Variants in OPRL1 observed in about 807,000 individuals in gnomAD.
The protein encoded by OPRL1 is opioid related nociceptin receptor 1.
A neutral mutation model predicts 15.5 loss-of-function variants in OPRL1; 5 were observed. The observed-to-expected ratio is 0.32, with a 90% CI of 0.17 to 0.68. OPRL1 has a LOEUF of 0.68. OPRL1 is among the 30% of genes least tolerant of loss of function. The pLI, the probability that OPRL1 is intolerant of heterozygous loss-of-function variation, is 0.72. For synonymous variants in OPRL1, 223 were observed against 230.2 expected, an observed-to-expected ratio of 0.97 and a Z score of 0.28; for missense variants, 406 against 515.3, an observed-to-expected ratio of 0.79 and a Z score of 2.05.
chr20:64,096,751 A>G (rs1452095235), intron 3 of OPRL1, among the ~76,000 whole-genome samples: 1 of 151,580 alleles, frequency 6.6e-6, no homozygotes. Context: ...CATCACCACT[A>G]TCACCACCAC....
chr20:64,098,102 C>A lies in OPRL1; in HGVS notation c.534C>A (p.Ala178=). The part of the protein sequence containing the change: ...QAVNVAIWAL[A]SVVGVPVAIM... Reference sequence around the variant, plus strand: ...TCAATGTGGCCATCTGGGCCCTGGCCTCTGTTGTCGGTGTTCCCGTTGCCA... The same window carrying A: ...TCAATGTGGCCATCTGGGCCCTGGCATCTGTTGTCGGTGTTCCCGTTGCCA... The change falls in exon 4 of 5, where the codon GCC becomes GCA. Residue 178 remains alanine, a synonymous_variant. Transcript: ENST00000336866. 6.2e-7 allele frequency: 1 copy of A among 1,613,306 alleles called. No individual in the cohort carries two copies. Among genetic ancestry groups the A allele is most frequent in the South Asian group, 1.1e-5 (1 of 91,084 alleles).
In OPRL1 at chr20:64,098,633, C is replaced by T. The variant is rs1979489435; in HGVS notation, c.947C>T (p.Pro316Leu). The T allele has an allele frequency of 6.2e-7, 1 of 1,612,956 alleles. No individual in the cohort carries two copies. Among genetic ancestry groups the T allele is most frequent in the African/African-American group, 1.3e-5 (1 of 75,042 alleles). Reference protein sequence around the residue: ...ALGYVNSCLNPILYAFLDENF... With the variant: ...ALGYVNSCLNLILYAFLDENF... ...GGCTACGTCAACAGCTGCCTCAACC[C>T]CATCCTCTACGCCTTCCTGGATGAG... is the stretch of plus-strand genomic sequence containing the variant. The change falls in exon 5 of 5, where the codon CCC (proline) becomes CTC (leucine). Residue 316 changes from proline to leucine, a missense_variant. Physicochemically the swap from Pro to Leu is moderately conservative, Grantham distance 98. Coordinates refer to ENST00000336866, the MANE Select transcript of OPRL1 (RefSeq NM_182647.4).
chr20:64,096,722 CCAT>C (rs1238311677), intron 3 of OPRL1, among the ~76,000 whole-genome samples: 3 of 151,814 alleles, frequency 2.0e-5, no homozygotes, highest in East Asian at 1.9e-4. Flanking sequence ...ACCATCACCA[CCAT>C]CATCACCACT....
At chr20:64,084,395 C>G (rs2060019105) in intron 1 of OPRL1, 1 of 1,273,294 alleles carries the variant, frequency 7.9e-7, no homozygotes, top group African/African-American at 1.6e-5. Context: ...CGCTCTCCCT[C>G]TCCCAAGCGC....
chr20:64,096,416 G>T (rs55997918), intron 3 of OPRL1, among the ~76,000 whole-genome samples: 27 of 152,210 alleles, frequency 1.8e-4, no homozygotes, highest in African/African-American at 5.8e-4. Context: ...AAACAACATA[G>T]ATCCTCTTGG....
rs1180989933 is a variant in OPRL1 at position 64,098,053 on chromosome 20, G to A, written c.485G>A (p.Arg162His). ...ICHPIRALDVRTSSKAQAVNV... is the reference protein window; with the variant it reads ...ICHPIRALDVHTSSKAQAVNV... ...CACCCCATCCGTGCCCTCGACGTCC[G>A]CACGTCCAGCAAAGCCCAGGCTGTC... Residue 162 changes from arginine to histidine, a missense_variant, in exon 4 of 5, where the codon CGC becomes CAC. Transcript: ENST00000336866. The A allele has an allele frequency of 3.8e-5, 62 of 1,613,224 alleles. No homozygotes were observed. The highest frequency in any genetic ancestry group is 1.6e-4 in the Middle Eastern group (1 of 6,084).
chr20:64,092,054 A>G lies in OPRL1; in HGVS notation c.-96A>G. 6.5e-6 allele frequency: 1 copy of G among 153,132 alleles called. No individual in the cohort carries two copies. The highest frequency in any genetic ancestry group is 1.5e-5 in the Non-Finnish European group (1 of 68,774). 9.5% of individuals were successfully genotyped at this position (153,132 alleles called of 1,614,324 possible). ...CTACCCTGCTCTGCACCTGTGCTCGACTGCCAGCCGGCTGAGGGCGGGGGT... is the reference window on the plus strand; with the variant it reads ...CTACCCTGCTCTGCACCTGTGCTCGGCTGCCAGCCGGCTGAGGGCGGGGGT... On this transcript the variant is annotated 5_prime_UTR_variant, in exon 2 of 5. Transcript: ENST00000336866.
chr20:64,087,778 CAT>C (rs1290324446), intron 1 of OPRL1, among the ~76,000 whole-genome samples: 1 of 152,250 alleles, frequency 6.6e-6, no homozygotes, highest in African/African-American at 2.4e-5. Context: ...TCTTGTGTAA[CAT>C]ATATGTTCTA....
rs1979507662 is a variant in OPRL1 at position 64,098,737 on chromosome 20, A to G, written c.1051A>G (p.Ser351Gly). ...CGTGCAGGTGTCTGACCGCGTGCGC[A>G]GCATTGCCAAGGACGTGGCCCTGGC... is the stretch of plus-strand genomic sequence containing the variant. ...RDVQVSDRVR[S>G]IAKDVALACK... Residue 351 changes from serine (S) to glycine (G), a missense_variant, in exon 5 of 5, where the codon AGC becomes GGC. Physicochemically the swap from Ser to Gly is moderately conservative, Grantham distance 56. Transcript: ENST00000336866. 2 of 1,610,730 alleles carry G rather than the reference A, an allele frequency of 1.2e-6. No homozygotes were observed. Among genetic ancestry groups the G allele is most frequent in the South Asian group, 2.2e-5 (2 of 91,084 alleles).
intron 1 of OPRL1, chr20:64,084,426 A>T: frequency 8.0e-7 from 1 of 1,251,568 alleles, no homozygotes; most frequent in South Asian, 2.8e-5. Context: ...CAGCTCTGCC[A>T]TCGGCTGATC....
rs1243672643 is a variant in OPRL1 at position 64,083,719 on chromosome 20, G to A, written c.-185+3367G>A. 7.3e-7 allele frequency: 1 copy of A among 1,362,770 alleles called. No individual in the cohort carries two copies. The highest frequency in any genetic ancestry group is 3.9e-5 in the Admixed American group (1 of 25,530). 84.4% of individuals were successfully genotyped at this position (1,362,770 alleles called of 1,614,324 possible). A position where few individuals can be genotyped will look rare whatever the true frequency, so the allele number is the denominator to read the frequency against. ...GATCTCCTCGGCCTGCGGGGCCCGG[G>A]TAGCTGAGCGCGCGCCGAGCCCCGC... On this transcript the variant is annotated intron_variant, in intron 1 of 4. Coordinates refer to ENST00000336866, the MANE Select transcript of OPRL1 (RefSeq NM_182647.4). This position sits in a 1 kb window ranked among gnomAD's most constrained non-coding sequence, Gnocchi z 4.9.
At chr20:64,088,234 G>C (rs926168035) in intron 1 of OPRL1, among the ~76,000 whole-genome samples, 1 of 152,258 alleles carries the variant, frequency 6.6e-6, no homozygotes, top group Non-Finnish European at 1.5e-5. Flanking sequence ...GCTGGCTGGG[G>C]TGGGGCAGGA....
rs868255552 is a variant in OPRL1, at chr20:64,098,955, C to T, written c.*156C>T. 70 of 1,062,232 alleles carry T rather than the reference C, an allele frequency of 6.6e-5. 1 individual carries two copies. The South Asian group carries it at 1.1e-3, about 16-fold the overall frequency. 65.8% of individuals were successfully genotyped at this position (1,062,232 alleles called of 1,614,324 possible). On this transcript the variant is annotated 3_prime_UTR_variant, in exon 5 of 5. Coordinates refer to ENST00000336866, the MANE Select transcript of OPRL1 (RefSeq NM_182647.4). ...CTTTTCCCTGTGGGCCAGGGATGCT[C>T]GGTCCCAGAGGAGGACCTAGTGACA...
At position 64,083,389 on chromosome 20, in the gene OPRL1, A is replaced by T; in HGVS notation, c.-185+3037A>T. On this transcript the variant is annotated intron_variant, in intron 1 of 4. Coordinates refer to ENST00000336866, the MANE Select transcript of OPRL1 (RefSeq NM_182647.4). The surrounding 1 kb of genome is among the most constrained non-coding windows in gnomAD (Gnocchi z 4.9). The stretch of plus-strand genomic sequence containing the variant: ...GACCAGCGAGCCTTCGGAGAATTAT[A>T]ACTTTATGTGGGAGGCTGGGGCGCG... The T allele has an allele frequency of 1.2e-6, 2 of 1,610,706 alleles. No homozygotes were observed. The highest frequency in any genetic ancestry group is 1.7e-6 in the Non-Finnish European group (2 of 1,179,090).
Position 64,083,600 on chromosome 20 carries a change from G to A in OPRL1, c.-185+3248G>A. The A allele has an allele frequency of 6.7e-7, 1 of 1,489,104 alleles. No individual in the cohort carries two copies. Among genetic ancestry groups the A allele is most frequent in the Middle Eastern group, 1.8e-4 (1 of 5,646 alleles). The allele number at this position is 1,489,104 out of a possible 1,614,324, so 92.2% of individuals were successfully genotyped here. ...GTCTGCACCTCTTGGCGGTCCAGGG[G>A]GTCCGGGATCCGCGCGGGCTTCAGC... is the stretch of plus-strand genomic sequence containing the variant. On this transcript the variant is annotated intron_variant, in intron 1 of 4. Coordinates refer to ENST00000336866, the MANE Select transcript of OPRL1 (RefSeq NM_182647.4). This position sits in a 1 kb window ranked among gnomAD's most constrained non-coding sequence, Gnocchi z 4.9.
In OPRL1 at chr20:64,099,491, C is replaced by T. The variant is rs956679122; in HGVS notation, c.*692C>T. ...GCAGTCCCTGGCTGCAGACCCCGAG[C>T]TGGCCCTGGGCCAGCCGCACCTCTG... is the stretch of plus-strand genomic sequence containing the variant. On this transcript the variant is annotated 3_prime_UTR_variant, in exon 5 of 5. Coordinates refer to ENST00000336866, the MANE Select transcript of OPRL1 (RefSeq NM_182647.4). The T allele has an allele frequency of 2.6e-5, 4 of 152,548 alleles. No homozygotes were observed. Among genetic ancestry groups the T allele is most frequent in the African/African-American group, 9.7e-5 (4 of 41,450 alleles). 9.4% of individuals were successfully genotyped at this position (152,548 alleles called of 1,614,324 possible).
At position 64,092,736 on chromosome 20, in the gene OPRL1, C is replaced by A. The variant is rs148535906; in HGVS notation, c.16C>A (p.Pro6Thr). 2.5e-6 allele frequency: 4 copies of A among 1,612,354 alleles called. No individual in the cohort carries two copies. In the African/African-American group the frequency reaches 5.3e-5, roughly 22 times the overall value. Residue 6 changes from proline to threonine, a missense_variant, in exon 3 of 5, where the codon CCC becomes ACC. Pro to Thr is a conservative substitution (Grantham distance 38). Coordinates refer to ENST00000336866, the MANE Select transcript of OPRL1 (RefSeq NM_182647.4). ...GGGCAGTGGCATGGAGCCCCTCTTCCCCGCGCCGTTCTGGGAGGTTATCTA... is the reference window on the plus strand; with the variant it reads ...GGGCAGTGGCATGGAGCCCCTCTTCACCGCGCCGTTCTGGGAGGTTATCTA... MEPLF[P>T]APFWEVIYGS...
intron 3 of OPRL1, among the ~76,000 whole-genome samples, chr20:64,095,869 C>T (rs1282759154): frequency 1.3e-5 from 2 of 152,042 alleles, no homozygotes; most frequent in Non-Finnish European, 2.9e-5. Context: ...AAAGCTGTTC[C>T]CCTCTGGGCC....
At position 64,098,056 on chromosome 20, in the gene OPRL1, C is replaced by T. The variant is rs148381492; in HGVS notation, c.488C>T (p.Thr163Met). ...CHPIRALDVR[T>M]SSKAQAVNVA... is the part of the protein sequence containing the mutation. The stretch of plus-strand genomic sequence containing the variant: ...CCCATCCGTGCCCTCGACGTCCGCA[C>T]GTCCAGCAAAGCCCAGGCTGTCAAT... The change falls in exon 4 of 5, where the codon ACG becomes ATG. Residue 163 changes from threonine to methionine, a missense_variant. Thr to Met is a moderately conservative substitution (Grantham distance 81). Coordinates refer to ENST00000336866, the MANE Select transcript of OPRL1 (RefSeq NM_182647.4). The T allele has an allele frequency of 3.0e-5, 49 of 1,613,436 alleles. No individual in the cohort carries two copies. The highest frequency in any genetic ancestry group is 5.3e-5 in the African/African-American group (4 of 75,064).
Sources: allele counts gnomAD v4.1 joint callset (sites outside exome capture counted in the v4.1 genomes callset), GRCh38; gene constraint gnomAD v4.1.1; non-coding constraint Gnocchi (gnomAD v3.1); transcripts MANE v1.5; gene names NCBI Gene and HGNC (gene_info 2026-07-23, HGNC 2026-07-21).